The following TYW1 variants were observed in gnomAD, a reference collection of about 807,000 sequenced individuals.
TYW1 encodes tRNA-yW synthesizing protein 1 homolog.
In TYW1, 46 loss-of-function variants were observed where a neutral mutation model predicts 96.2. That is an observed-to-expected ratio of 0.48 (90% CI 0.38 to 0.61). TYW1 has a LOEUF of 0.61. Ranked by LOEUF, TYW1 falls within the 20% of genes least tolerant of loss-of-function variation. The pLI, the probability that TYW1 is intolerant of heterozygous loss-of-function variation, is 0.00. For synonymous variants in TYW1, 274 were observed against 323.0 expected (o/e 0.85, Z 1.63); for missense variants, 684 against 909.6 (o/e 0.75, Z 3.19).
intron 7 of TYW1, among the ~76,000 whole-genome samples, chr7:67,028,668 C>T (rs1407900197): frequency 6.6e-6 from 1 of 152,154 alleles, no homozygotes; most frequent in Non-Finnish European, 1.5e-5. Flanking sequence ...GGCACTCATA[C>T]CTTGCAGGTG....
At chr7:67,049,763 T>C (rs1274609653) in intron 7 of TYW1, among the ~76,000 whole-genome samples, 186 bp from the exon 8 acceptor site, 1 of 152,122 alleles carries the variant, frequency 6.6e-6, no homozygotes, top group Non-Finnish European at 1.5e-5. Context: ...GCCGGGCTGG[T>C]CTCGATCTCC....
intron 8 of TYW1, among the ~76,000 whole-genome samples, chr7:67,052,141 T>C (rs1795379736): frequency 6.6e-6 from 1 of 152,202 alleles, no homozygotes; most frequent in Non-Finnish European, 1.5e-5. Context: ...GTTTTCTTCA[T>C]GTTTCTTTTA....
intron 3 of TYW1, among the ~76,000 whole-genome samples, chr7:67,006,188 T>C (rs1311802163): frequency 2.0e-5 from 3 of 152,112 alleles, no homozygotes; most frequent in African/African-American, 7.2e-5. Context: ...CCATCTCCCT[T>C]GTACTGTCCT....
chr7:67,009,982 T>G (rs1408494275), intron 4 of TYW1, among the ~76,000 whole-genome samples: 6 of 140,850 alleles, frequency 4.3e-5, no homozygotes, highest in Admixed American at 2.9e-4. Flanking sequence ...TCTTTTTTCT[T>G]TTCTTTTTTT....
At chr7:67,092,360 G>A (rs1238046704) in intron 11 of TYW1, among the ~76,000 whole-genome samples, 1 of 151,884 alleles carries the variant, frequency 6.6e-6, no homozygotes, top group African/African-American at 2.4e-5. Flanking sequence ...CGGAGAACCC[G>A]ATGTGATCTA....
chr7:67,111,091 AG>A (rs1248779049), intron 12 of TYW1, among the ~76,000 whole-genome samples: 2 of 152,240 alleles, frequency 1.3e-5, no homozygotes, highest in African/African-American at 2.4e-5. Flanking sequence ...TACACATGAA[AG>A]GAAACAGAAT....
chr7:67,186,266 C>A (rs1209741635), intron 14 of TYW1, among the ~76,000 whole-genome samples: 5 of 39,782 alleles, frequency 1.3e-4, no homozygotes, highest in African/African-American at 7.3e-4. Flanking sequence ...TTCCTTTCTT[C>A]CCCCCCGCCC....
chr7:67,009,791 T>A (rs1159504929), intron 4 of TYW1, 107 bp downstream of exon 4: 1 of 1,049,814 alleles, frequency 9.5e-7, no homozygotes, highest in Non-Finnish European at 1.4e-6. Flanking sequence ...AAATTTAATT[T>A]TCGTGCTAAG....
intron 3 of TYW1, among the ~76,000 whole-genome samples, chr7:67,006,215 C>T (rs1324452740): frequency 6.6e-6 from 1 of 152,018 alleles, no homozygotes; most frequent in Non-Finnish European, 1.5e-5. Flanking sequence ...AGTGAGTTCT[C>T]ATGAGATCTG....
chr7:67,210,523 G>A (rs956182378), intron 15 of TYW1, among the ~76,000 whole-genome samples: 5 of 152,170 alleles, frequency 3.3e-5, no homozygotes, highest in South Asian at 2.1e-4. Flanking sequence ...TAGGCTCCCC[G>A]TCCTTGAGGG....
intron 7 of TYW1, among the ~76,000 whole-genome samples, chr7:67,040,429 G>C (rs1794981554): frequency 1.3e-5 from 2 of 151,928 alleles, no homozygotes; most frequent in South Asian, 4.2e-4. Flanking sequence ...ACGTGAATGT[G>C]TAATGTTATG....
At position 67,020,571 on chromosome 7, in the gene TYW1, A is replaced by AC. The variant is rs548290106; in HGVS notation, c.861+2428_861+2429insC. Among the ~76,000 whole-genome samples, 115 of 152,346 alleles carry AC rather than the reference A, an allele frequency of 7.5e-4. No homozygotes were observed. The South Asian group carries it at 0.013, about 17-fold the overall frequency. ...TTAAAAATACAAATCAGACCATGTT[A>AC]ACCTCCTGTTTAAAAGTGATTTTTC... On this transcript the variant is annotated intron_variant, in intron 6 of 15. Coordinates refer to ENST00000359626, the MANE Select transcript of TYW1 (RefSeq NM_018264.4).
At chr7:67,002,298 T>G (rs1793425177) in intron 3 of TYW1, among the ~76,000 whole-genome samples, 1 of 150,922 alleles carries the variant, frequency 6.6e-6, no homozygotes, top group Non-Finnish European at 1.5e-5. Flanking sequence ...GATCCTTCTG[T>G]CTAGGATTAC....
intron 13 of TYW1, among the ~76,000 whole-genome samples, chr7:67,143,800 A>C (rs376196921): frequency 5.9e-5 from 9 of 152,346 alleles, no homozygotes; most frequent in East Asian, 5.8e-4. Flanking sequence ...GAGCTTTTAA[A>C]AGGCTGTTTA....
chr7:67,007,846 G>A (rs1464749345), intron 3 of TYW1, among the ~76,000 whole-genome samples: 1 of 152,074 alleles, frequency 6.6e-6, no homozygotes, highest in Non-Finnish European at 1.5e-5. Flanking sequence ...TGTTGGTCTG[G>A]CTGGTCTTGA....
chr7:67,094,585 GT>G (rs1034491258), intron 11 of TYW1, among the ~76,000 whole-genome samples: 3 of 151,646 alleles, frequency 2.0e-5, no homozygotes, highest in African/African-American at 7.3e-5. Flanking sequence ...AATGCTGAGT[GT>G]TTTTTTCACG....
At chr7:67,133,279 A>C (rs1404971627) in intron 13 of TYW1, among the ~76,000 whole-genome samples, 1 of 152,072 alleles carries the variant, frequency 6.6e-6, no homozygotes, top group Non-Finnish European at 1.5e-5. Flanking sequence ...CTCGGACTAC[A>C]GCCGTGCACC....
Position 67,009,610 on chromosome 7 carries a change from G to T in TYW1, c.301G>T (p.Val101Phe), listed in dbSNP as rs761514960. 147 of 1,612,446 alleles carry T rather than the reference G, an allele frequency of 9.1e-5. No homozygotes were observed. Among genetic ancestry groups the T allele is most frequent in the Non-Finnish European group, 1.2e-4 (145 of 1,179,718 alleles). The change falls in exon 4 of 16, where the codon GTT becomes TTT. Residue 101 changes from valine to phenylalanine, a missense_variant. By Grantham distance (50) the Val-to-Phe change is conservative (BLOSUM62 -1). Coordinates refer to ENST00000359626, the MANE Select transcript of TYW1 (RefSeq NM_018264.4). ...ATTCGCAACAGTTCTTGCTGAAGCA[G>T]TTACATCCCTGGATCTGCCTGTGGC... ...KGFATVLAEA[V>F]TSLDLPVAII...
At chr7:67,084,603 C>T (rs7788703) in intron 11 of TYW1, among the ~76,000 whole-genome samples, 1,872 of 151,836 alleles carry the variant, frequency 0.012, 26 homozygotes, top group Non-Finnish European at 0.02. Flanking sequence ...CTGCAACCTT[C>T]ACTTCCCAGG....
Sources: allele counts gnomAD v4.1 joint callset (sites outside exome capture counted in the v4.1 genomes callset), GRCh38; gene constraint gnomAD v4.1.1; transcripts MANE v1.5; gene names NCBI Gene and HGNC (gene_info 2026-07-23, HGNC 2026-07-21).